ASAP1: variants seen among roughly 807,000 people sequenced by gnomAD.
ASAP1 encodes arf-GAP with SH3 domain, ANK repeat and PH domain-containing protein 1.
A neutral mutation model predicts 145.2 loss-of-function variants in ASAP1; 43 were observed. The observed-to-expected ratio is 0.30, with a 90% CI of 0.23 to 0.38. The LOEUF (loss-of-function observed/expected upper bound fraction) is 0.38, where lower values mean the gene tolerates loss of function less well. Ranked by LOEUF, ASAP1 falls within the 10% of genes least tolerant of loss-of-function variation. ASAP1 has a pLI of 1.00. For missense variants in ASAP1, 1,018 were observed against 1,355.3 expected, an observed-to-expected ratio of 0.75 and a Z score of 3.91; for synonymous variants, 546 against 515.5, an observed-to-expected ratio of 1.06 and a Z score of -0.80.
At chr8:130,412,311 A>T (rs1262492153) in intron 1 of ASAP1, among the ~76,000 whole-genome samples, 1 of 152,116 alleles carries the variant, frequency 6.6e-6, no homozygotes, top group Non-Finnish European at 1.5e-5. Flanking sequence ...CTCATTAATG[A>T]TTAGCCACCA....
rs572734359 is a variant in ASAP1, at chr8:130,207,204, G to A, written c.405+7352C>T. ...ATGGAATCTATAAAGGCATGGAAGC[G>A]TGAAATGGTATATATTCCATGAACA... On this transcript the variant is annotated intron_variant, in intron 5 of 29. Coordinates refer to ENST00000518721, the MANE Select transcript of ASAP1 (RefSeq NM_018482.4). 1.2e-4 allele frequency among the ~76,000 whole-genome samples: 19 copies of A among 152,226 alleles called. No homozygotes were observed. In the South Asian group the frequency reaches 2.9e-3, roughly 23 times the overall value.
chr8:130,122,067 TC>T (rs750501286), intron 18 of ASAP1, among the ~76,000 whole-genome samples: 2 of 151,878 alleles, frequency 1.3e-5, no homozygotes, highest in Admixed American at 6.6e-5. Context: ...CCTGGCTGCT[TC>T]CCCCCAGGGA....
chr8:130,136,971 T>G lies in ASAP1; in HGVS notation c.1148A>C (p.Lys383Thr), dbSNP rs1226149950. 6.2e-7 allele frequency: 1 copy of G among 1,614,132 alleles called. No homozygotes were observed. Among genetic ancestry groups the G allele is most frequent in the Non-Finnish European group, 8.5e-7 (1 of 1,180,050 alleles). Residue 383 changes from lysine to threonine, a missense_variant, in exon 14 of 30, where the codon AAA becomes ACA. Coordinates refer to ENST00000518721, the MANE Select transcript of ASAP1 (RefSeq NM_018482.4). ...CTCACGTGATATCAGGTCAAAAGAT[T>G]TTTTGTCTTCGGCATTAGGTTTTAC... ...CQVKPNAEDK[K>T]SFDLISHNRT...
At chr8:130,371,732 G>A (rs1349969183) in intron 2 of ASAP1, among the ~76,000 whole-genome samples, 1 of 152,152 alleles carries the variant, frequency 6.6e-6, no homozygotes, top group African/African-American at 2.4e-5. Flanking sequence ...GTAGAACCAG[G>A]GAAACAGAAA....
intron 11 of ASAP1, among the ~76,000 whole-genome samples, chr8:130,163,991 T>C (rs562749161): frequency 7.2e-5 from 11 of 152,334 alleles, no homozygotes; most frequent in African/African-American, 2.6e-4. Context: ...GCTATAAATG[T>C]TTCTGGTATC....
At chr8:130,236,309 T>C (rs1818211584) in intron 4 of ASAP1, among the ~76,000 whole-genome samples, 1 of 151,928 alleles carries the variant, frequency 6.6e-6, no homozygotes, top group African/African-American at 2.4e-5. Context: ...CCATTTTTTG[T>C]GGTTACTCAT....
chr8:130,267,180 T>TA (rs1174362120), intron 3 of ASAP1, among the ~76,000 whole-genome samples: 1 of 151,142 alleles, frequency 6.6e-6, no homozygotes, highest in African/African-American at 2.4e-5. Context: ...CCCCTTTTCA[T>TA]ACACTCCAGT....
chr8:130,174,091 CAAAAAA>C (rs57123447), intron 9 of ASAP1, among the ~76,000 whole-genome samples: 1 of 62,728 alleles, frequency 1.6e-5, no homozygotes, highest in African/African-American at 6.3e-5. Context: ...ACTCCGTCTC[CAAAAAA>C]AAAAAAAAAA....
intron 11 of ASAP1, among the ~76,000 whole-genome samples, chr8:130,160,453 T>C (rs1010465930): frequency 6.6e-6 from 1 of 152,240 alleles, no homozygotes; most frequent in African/African-American, 2.4e-5. Context: ...GTTTTAACAA[T>C]TATTATGTCT....
Position 130,147,371 on chromosome 8 carries a change from C to T in ASAP1, c.1080+5365G>A, listed in dbSNP as rs114016997. Among the ~76,000 whole-genome samples, 411 of 152,222 alleles carry T rather than the reference C, an allele frequency of 2.7e-3. 3 individuals carry two copies. The highest frequency in any genetic ancestry group is 9.5e-3 in the African/African-American group (393 of 41,530). On this transcript the variant is annotated intron_variant, in intron 13 of 29. Transcript: ENST00000518721. ...AATCAATAAACTCATTTAATCTTTA[C>T]AATCACTTATGAATTAGGCCTCATT...
chr8:130,196,174 T>G (rs1815474888), intron 5 of ASAP1, among the ~76,000 whole-genome samples: 1 of 152,108 alleles, frequency 6.6e-6, no homozygotes, highest in Admixed American at 6.5e-5. Flanking sequence ...AAACCCCATC[T>G]CTACTAAAAA....
chr8:130,188,010 A>C (rs1275576241), intron 6 of ASAP1, 99 bp downstream of exon 6: 2 of 864,394 alleles, frequency 2.3e-6, no homozygotes, highest in Non-Finnish European at 3.7e-6. Flanking sequence ...AAAATGTTCA[A>C]AGAGTCTTTC....
intron 1 of ASAP1, among the ~76,000 whole-genome samples, chr8:130,409,698 C>T (rs577930904): frequency 5.7e-4 from 87 of 152,312 alleles, no homozygotes; most frequent in Admixed American, 7.9e-4. Flanking sequence ...CCCAACCGCC[C>T]GCCTCATTTG....
chr8:130,425,411 G>A (rs1420722351), intron 1 of ASAP1, among the ~76,000 whole-genome samples: 1 of 151,910 alleles, frequency 6.6e-6, no homozygotes, highest in Non-Finnish European at 1.5e-5. Context: ...CAACTGTTTG[G>A]GAGGCTGAGG....
chr8:130,164,628 G>A (rs769114961), intron 11 of ASAP1, among the ~76,000 whole-genome samples: 2 of 152,000 alleles, frequency 1.3e-5, no homozygotes, highest in African/African-American at 4.8e-5. Context: ...TCTAAAAACA[G>A]TTATATAGCA....
intron 1 of ASAP1, among the ~76,000 whole-genome samples, chr8:130,427,081 G>T (rs973347100): frequency 6.6e-6 from 1 of 152,196 alleles, no homozygotes; most frequent in African/African-American, 2.4e-5. Context: ...GGGCAGAGAC[G>T]GCAGAGCAGG....
chr8:130,350,743 C>T (rs1334490073), intron 3 of ASAP1, among the ~76,000 whole-genome samples: 1 of 152,220 alleles, frequency 6.6e-6, no homozygotes, highest in African/African-American at 2.4e-5. Flanking sequence ...TCTCCAAGGT[C>T]GCTTTTACTT....
intron 1 of ASAP1, among the ~76,000 whole-genome samples, chr8:130,416,269 T>C (rs939760762): frequency 6.6e-6 from 1 of 152,094 alleles, no homozygotes; most frequent in Non-Finnish European, 1.5e-5. Flanking sequence ...CAAAAGAGCA[T>C]TGTAAGCAAA....
chr8:130,442,694 C>A (rs1482291472), intron 1 of ASAP1, among the ~76,000 whole-genome samples: 1 of 152,094 alleles, frequency 6.6e-6, no homozygotes, highest in Non-Finnish European at 1.5e-5. Flanking sequence ...TGCAGTTGAC[C>A]ATCCTTCTCC....
Sources: gnomAD v4.1 joint callset for allele counts (sites outside exome capture counted in the v4.1 genomes callset) on GRCh38, gnomAD v4.1.1 for gene constraint, MANE v1.5 for transcripts, NCBI Gene and HGNC (gene_info 2026-07-23, HGNC 2026-07-21) for gene names.